ITGBL1: variants seen among roughly 807,000 people sequenced by gnomAD.
The protein encoded by ITGBL1 is integrin subunit beta like 1.
A neutral mutation model predicts 68.5 loss-of-function variants in ITGBL1; 51 were observed. The observed-to-expected ratio is 0.74, with a 90% confidence interval of 0.59 to 0.94. The LOEUF is 0.94. ITGBL1 is among the 40% of genes least tolerant of loss of function. The pLI is 0.00. For synonymous variants in ITGBL1, 209 were observed against 227.3 expected (o/e 0.92, Z 0.72); for missense variants, 649 against 647.4 (o/e 1.00, Z -0.03).
chr13:101,560,891 G>C (rs775029937), intron 2 of ITGBL1, among the ~76,000 whole-genome samples: 1 of 152,170 alleles, frequency 6.6e-6, no homozygotes, highest in Non-Finnish European at 1.5e-5. Context: ...TATTTGCAAA[G>C]TGTCTGTAAG....
At chr13:101,482,758 A>T (rs9557672) in intron 2 of ITGBL1, among the ~76,000 whole-genome samples, 29,524 of 151,924 alleles carry the variant, frequency 0.19, 3,438 homozygotes, top group East Asian at 0.43. Context: ...GGTCCGTATA[A>T]TAGAAAACCC....
At chr13:101,697,085 C>A (rs899912095) in intron 8 of ITGBL1, among the ~76,000 whole-genome samples, 1 of 151,204 alleles carries the variant, frequency 6.6e-6, no homozygotes, top group African/African-American at 2.4e-5. Context: ...GCTTCTGTAC[C>A]CATCATTAGA....
At chr13:101,632,477 G>A (rs2032019910) in intron 7 of ITGBL1, among the ~76,000 whole-genome samples, 1 of 152,162 alleles carries the variant, frequency 6.6e-6, no homozygotes, top group Admixed American at 6.6e-5. Context: ...TGGAACACCT[G>A]CTTTGGAGAA....
chr13:101,659,246 AC>A (rs893886988), intron 7 of ITGBL1, among the ~76,000 whole-genome samples: 1 of 152,120 alleles, frequency 6.6e-6, no homozygotes, highest in Non-Finnish European at 1.5e-5. Context: ...AGCTTTAAGA[AC>A]AAATACTGTT....
At chr13:101,520,350 G>A (rs897364129) in intron 2 of ITGBL1, among the ~76,000 whole-genome samples, 1 of 152,132 alleles carries the variant, frequency 6.6e-6, no homozygotes, top group African/African-American at 2.4e-5. Context: ...ATTATTAGCA[G>A]TGCTTTTTAG....
intron 6 of ITGBL1, among the ~76,000 whole-genome samples, chr13:101,596,368 A>T (rs534979871): frequency 1.3e-4 from 20 of 152,326 alleles, no homozygotes; most frequent in African/African-American, 4.6e-4. Context: ...CAGCATGGTT[A>T]CTATAGTTTG....
At chr13:101,620,895 G>A (rs2031553461) in intron 7 of ITGBL1, among the ~76,000 whole-genome samples, 1 of 152,144 alleles carries the variant, frequency 6.6e-6, no homozygotes, top group African/African-American at 2.4e-5. Context: ...TTTGATGATT[G>A]ATACTGAACA....
intron 7 of ITGBL1, among the ~76,000 whole-genome samples, chr13:101,648,534 CATT>C (rs2032638569): frequency 6.6e-6 from 1 of 152,110 alleles, no homozygotes; most frequent in East Asian, 1.9e-4. Flanking sequence ...TTGTATTCAT[CATT>C]GTTTTGGTGA....
chr13:101,544,350 G>A (rs1462368130), intron 2 of ITGBL1, among the ~76,000 whole-genome samples: 2 of 152,176 alleles, frequency 1.3e-5, no homozygotes, highest in Non-Finnish European at 2.9e-5. Context: ...TATCAGCAGC[G>A]GCAGCTGCAG....
At chr13:101,473,319 G>C (rs2048488953) in intron 2 of ITGBL1, among the ~76,000 whole-genome samples, 1 of 152,212 alleles carries the variant, frequency 6.6e-6, no homozygotes, top group Non-Finnish European at 1.5e-5. Flanking sequence ...CAGCCATGTA[G>C]TGTGGAGAGA....
At chr13:101,720,751 A>T (rs1227967707), downstream of ITGBL1, 1 of 152,120 alleles carries the variant, frequency 6.6e-6, no homozygotes, top group Non-Finnish European at 1.5e-5. Flanking sequence ...GTTAAAAACA[A>T]TAGGCTTCAA....
intron 2 of ITGBL1, among the ~76,000 whole-genome samples, chr13:101,458,335 T>G (rs947946310): frequency 6.6e-6 from 1 of 152,152 alleles, no homozygotes; most frequent in African/African-American, 2.4e-5. Context: ...GTAAGGAAAA[T>G]CTTAAGCAAA....
chr13:101,698,069 A>G (rs904826509), intron 8 of ITGBL1, among the ~76,000 whole-genome samples: 4 of 152,216 alleles, frequency 2.6e-5, no homozygotes, highest in Non-Finnish European at 4.4e-5. Flanking sequence ...TCCCTCTGTT[A>G]TGGCTTCAGA....
At chr13:101,658,127 A>C (rs541213744) in intron 7 of ITGBL1, among the ~76,000 whole-genome samples, 1 of 152,350 alleles carries the variant, frequency 6.6e-6, no homozygotes, top group Admixed American at 6.5e-5. Context: ...TCAAATGTGT[A>C]CTTTGGCTGG....
intron 2 of ITGBL1, among the ~76,000 whole-genome samples, chr13:101,469,543 C>T (rs988686980): frequency 2.6e-5 from 4 of 152,032 alleles, no homozygotes; most frequent in Non-Finnish European, 4.4e-5. Context: ...ATTAGCTGGG[C>T]ATGGTGGTGG....
At chr13:101,592,007 A>T (rs1480172903) in intron 6 of ITGBL1, among the ~76,000 whole-genome samples, 1 of 152,120 alleles carries the variant, frequency 6.6e-6, no homozygotes, top group Non-Finnish European at 1.5e-5. Flanking sequence ...GTGGATTGAT[A>T]ATATATTTTC....
intron 7 of ITGBL1, among the ~76,000 whole-genome samples, chr13:101,636,027 A>G (rs895228484): frequency 6.6e-6 from 1 of 152,134 alleles, no homozygotes; most frequent in Non-Finnish European, 1.5e-5. Context: ...CAAATTAATT[A>G]TTTACTCAGT....
chr13:101,539,726 T>A lies in ITGBL1; in HGVS notation c.317-27973T>A, dbSNP rs542147226. 7.1e-4 allele frequency among the ~76,000 whole-genome samples: 108 copies of A among 151,662 alleles called. 2 individuals carry two copies. In the South Asian group the frequency reaches 0.014, roughly 19 times the overall value. Reference sequence around the variant, plus strand: ...TCTCCAGCACCTGTTGTTTCCTGACTTTTTAATGATTGCCATTCTAACTGG... The same window carrying A: ...TCTCCAGCACCTGTTGTTTCCTGACATTTTAATGATTGCCATTCTAACTGG... On this transcript the variant is annotated intron_variant, in intron 2 of 10. Coordinates refer to ENST00000376180, the MANE Select transcript of ITGBL1 (RefSeq NM_004791.3).
intron 6 of ITGBL1, among the ~76,000 whole-genome samples, chr13:101,584,808 G>A (rs1363004014): frequency 6.6e-6 from 1 of 151,966 alleles, no homozygotes; most frequent in African/African-American, 2.4e-5. Flanking sequence ...TGAGAATAGT[G>A]GGGAAGAGGC....
Sources: allele counts gnomAD v4.1 joint callset (sites outside exome capture counted in the v4.1 genomes callset), GRCh38; gene constraint gnomAD v4.1.1; transcripts MANE v1.5; gene names NCBI Gene and HGNC (gene_info 2026-07-23, HGNC 2026-07-21).